Variants in DNAI4 observed in about 807,000 individuals in gnomAD.
DNAI4 encodes the protein WD repeat domain 78.
Under a neutral mutation model 105.8 loss-of-function variants are expected in DNAI4, and 85 were observed. The ratio of observed to expected loss-of-function variants is 0.80; its 90% CI spans 0.67 to 0.96. DNAI4 has a LOEUF of 0.96. DNAI4 is among the 40% of genes least tolerant of loss of function. The pLI is 0.00. For missense variants in DNAI4, 1,014 were observed against 1,005.6 expected, an observed-to-expected ratio of 1.01 and a Z score of -0.11; for synonymous variants, 352 against 331.5, an observed-to-expected ratio of 1.06 and a Z score of -0.67.
chr1:66,884,194 G>C (rs779025541), intron 4 of DNAI4, among the ~76,000 whole-genome samples: 6 of 152,172 alleles, frequency 3.9e-5, no homozygotes, highest in Non-Finnish European at 7.3e-5. Flanking sequence ...GTATTCTACT[G>C]TGTGTATATA....
chr1:66,833,878 CCCAA>C, intron 12 of DNAI4, 109 bp downstream of exon 12: 1 of 1,406,808 alleles, frequency 7.1e-7, no homozygotes, highest in South Asian at 1.5e-5. Flanking sequence ...CCATGACCAA[CCCAA>C]TTTTTTTCTT....
At chr1:66,870,464 TA>T (rs1646819703) in intron 6 of DNAI4, among the ~76,000 whole-genome samples, 1 of 114,096 alleles carries the variant, frequency 8.8e-6, no homozygotes, top group Non-Finnish European at 1.8e-5. Flanking sequence ...AAAAAGAATA[TA>T]ACCAGCTGGG....
At chr1:66,882,825 A>C (rs563375243) in intron 4 of DNAI4, among the ~76,000 whole-genome samples, 2 of 152,242 alleles carry the variant, frequency 1.3e-5, no homozygotes, top group East Asian at 3.9e-4. Flanking sequence ...GATATCTACA[A>C]AAAAGATTGC....
At chr1:66,900,906 C>T (rs905563700) in intron 2 of DNAI4, among the ~76,000 whole-genome samples, 6 of 152,146 alleles carry the variant, frequency 3.9e-5, no homozygotes, top group African/African-American at 1.2e-4. Context: ...GTCTAATTTA[C>T]ATGCCTAGAA....
intron 2 of DNAI4, 126 bp downstream of exon 2, chr1:66,905,075 T>G: frequency 1.3e-6 from 1 of 754,728 alleles, no homozygotes; most frequent in Non-Finnish European, 2.0e-6. Context: ...TGGTAAAAAT[T>G]AACAAAATCA....
intron 16 of DNAI4, among the ~76,000 whole-genome samples, chr1:66,818,362 T>G (rs1645560010): frequency 6.6e-6 from 1 of 151,912 alleles, no homozygotes; most frequent in Admixed American, 6.6e-5. Context: ...TTGAAGTACT[T>G]AAAAGTCCAA....
Position 66,924,724 on chromosome 1 carries a change from G to C in DNAI4, c.108C>G (p.Pro36=). ...GGQKKGWCTT[P]QLVATMPVSP... ...AGACTGGCATGGTGGCGACCAGCTGGGGAGTGGTGCACCACCCCTTTTTTT... is the reference window on the plus strand; with the variant it reads ...AGACTGGCATGGTGGCGACCAGCTGCGGAGTGGTGCACCACCCCTTTTTTT... The change falls in exon 1 of 17, where the codon CCC becomes CCG. Residue 36 remains proline (P), a synonymous_variant. Coordinates refer to ENST00000371026, the MANE Select transcript of DNAI4 (RefSeq NM_024763.5). The C allele has an allele frequency of 6.2e-7, 1 of 1,614,212 alleles. No homozygotes were observed. Among genetic ancestry groups the C allele is most frequent in the Non-Finnish European group, 8.5e-7 (1 of 1,180,032 alleles).
Position 66,826,129 on chromosome 1 carries a change from A to C in DNAI4, c.2339+691T>G, listed in dbSNP as rs143856685. On this transcript the variant is annotated intron_variant, in intron 15 of 16. Transcript: ENST00000371026. ...AGGTAAGAGCATAAGTAAATGTTGC[A>C]AAAATAATTACTTTGTCCCTTTTTT... Among the ~76,000 whole-genome samples, 35 of 152,332 alleles carry C rather than the reference A, an allele frequency of 2.3e-4. 2 individuals are homozygous for C. The East Asian group carries it at 6.7e-3, about 29-fold the overall frequency.
chr1:66,868,086 G>T (rs971896775), intron 6 of DNAI4, among the ~76,000 whole-genome samples: 2 of 152,110 alleles, frequency 1.3e-5, no homozygotes, highest in African/African-American at 4.8e-5. Flanking sequence ...ATATGATTTT[G>T]TAATGATGAA....
chr1:66,822,370 T>A lies in DNAI4; in HGVS notation c.2487A>T (p.Glu829Asp). 6.2e-7 allele frequency: 1 copy of A among 1,605,028 alleles called. No individual in the cohort carries two copies. The highest frequency in any genetic ancestry group is 8.5e-7 in the Non-Finnish European group (1 of 1,176,954). ...YELRNMPTVL[E>D]TGRGDIMDTL... ...TACTCTTGAGTCTTACCCGGCCAGT[T>A]TCCAAAACAGTAGGCATATTTCTCA... Residue 829 changes from glutamate to aspartate, a missense_variant, in exon 16 of 17, where the codon GAA becomes GAT. Glu to Asp is a conservative substitution (Grantham distance 45). Coordinates refer to ENST00000371026, the MANE Select transcript of DNAI4 (RefSeq NM_024763.5).
chr1:66,886,647 C>T (rs1293470573), intron 4 of DNAI4, among the ~76,000 whole-genome samples: 4 of 152,178 alleles, frequency 2.6e-5, no homozygotes, highest in African/African-American at 9.7e-5. Context: ...TGGAGGTTCA[C>T]TGGTAGTAAG....
intron 4 of DNAI4, among the ~76,000 whole-genome samples, chr1:66,879,690 A>T (rs1647027778): frequency 6.6e-6 from 1 of 152,222 alleles, no homozygotes. Context: ...CTTTGCCAGC[A>T]ATTGGTATTA....
Position 66,826,110 on chromosome 1 carries a change from G to A in DNAI4, c.2339+710C>T, listed in dbSNP as rs1015376178. On this transcript the variant is annotated intron_variant, in intron 15 of 16. Transcript: ENST00000371026. ...TCTGAATATTTTTGAAACAAGGTAA[G>A]AGCATAAGTAAATGTTGCAAAAATA... Among the ~76,000 whole-genome samples the A allele has an allele frequency of 3.3e-5, 5 of 152,210 alleles. No individual in the cohort carries two copies. The East Asian group carries it at 9.6e-4, about 29-fold the overall frequency.
chr1:66,857,497 A>C (rs925502229), intron 7 of DNAI4, among the ~76,000 whole-genome samples: 3 of 152,042 alleles, frequency 2.0e-5, no homozygotes, highest in Non-Finnish European at 4.4e-5. Context: ...AAAAAGAAAA[A>C]AAAAGAAAAG....
intron 1 of DNAI4, among the ~76,000 whole-genome samples, chr1:66,922,546 G>C (rs1650570552): frequency 6.6e-6 from 1 of 152,188 alleles, no homozygotes; most frequent in Non-Finnish European, 1.5e-5. Flanking sequence ...GAAATGTTTT[G>C]AGCAGAACCA....
chr1:66,876,328 G>A (rs1646958103), intron 4 of DNAI4, among the ~76,000 whole-genome samples: 1 of 152,098 alleles, frequency 6.6e-6, no homozygotes, highest in Non-Finnish European at 1.5e-5. Flanking sequence ...TTGATTCTCT[G>A]AGGTTTCTTA....
rs746255564 is a variant in DNAI4 at position 66,905,332 on chromosome 1, T to A, written c.214A>T (p.Thr72Ser). ...CCTTTCACTGAAGTTGCTTTCATTG[T>A]AGCAAAAAAGCTAATAGACTTCTTT... ...QPKKSISFFA[T>S]MKATSVKGYT... Residue 72 changes from threonine to serine, a missense_variant, in exon 2 of 17, where the codon ACA becomes TCA. By Grantham distance (58) the Thr-to-Ser change is moderately conservative. Coordinates refer to ENST00000371026, the MANE Select transcript of DNAI4 (RefSeq NM_024763.5). 6.6e-7 allele frequency: 1 copy of A among 1,525,702 alleles called. No individual in the cohort carries two copies. Among genetic ancestry groups the A allele is most frequent in the South Asian group, 1.3e-5 (1 of 75,810 alleles). The allele number at this position is 1,525,702 out of a possible 1,614,324, so 94.5% of individuals were successfully genotyped here. A position where few individuals can be genotyped will look rare whatever the true frequency, so the allele number is the denominator to read the frequency against.
chr1:66,923,478 G>C (rs1650719298), intron 1 of DNAI4, among the ~76,000 whole-genome samples: 1 of 152,204 alleles, frequency 6.6e-6, no homozygotes, highest in South Asian at 2.1e-4. Context: ...TGGGAAAGGT[G>C]AAACCATGAA....
At chr1:66,889,764 T>C (rs572143152) in intron 4 of DNAI4, among the ~76,000 whole-genome samples, 64 of 152,308 alleles carry the variant, frequency 4.2e-4, no homozygotes, top group African/African-American at 1.5e-3. Context: ...TTCCTCATTC[T>C]TGTATCTTCA....
Sources: gnomAD v4.1 joint callset for allele counts (sites outside exome capture counted in the v4.1 genomes callset) on GRCh38, gnomAD v4.1.1 for gene constraint, MANE v1.5 for transcripts, NCBI Gene and HGNC (gene_info 2026-07-23, HGNC 2026-07-21) for gene names.